DYNC2I1: variants seen among roughly 807,000 people sequenced by gnomAD.
The protein encoded by DYNC2I1 is cytoplasmic dynein 2 intermediate chain 1.
A neutral mutation model predicts 133.4 loss-of-function variants in DYNC2I1; 89 were observed. That is an observed-to-expected ratio of 0.67 (90% confidence interval 0.56 to 0.80). DYNC2I1 has a LOEUF of 0.80. Ranked by LOEUF, DYNC2I1 falls within the 30% of genes least tolerant of loss-of-function variation. The pLI, the probability that DYNC2I1 is intolerant of heterozygous loss-of-function variation, is 0.00. For synonymous variants in DYNC2I1, 504 were observed against 484.3 expected (o/e 1.04, Z -0.54); for missense variants, 1,291 against 1,314.5 (o/e 0.98, Z 0.28).
Position 158,886,357 on chromosome 7 carries a change from C to T in DYNC2I1, c.936-664C>T, listed in dbSNP as rs556924739. Among the ~76,000 whole-genome samples the T allele has an allele frequency of 1.4e-4, 21 of 152,176 alleles. No homozygotes were observed. In the South Asian group the frequency reaches 4.4e-3, roughly 32 times the overall value. ...CCATGTTGGCCAGACTGGTCTCGAA[C>T]TCCTGACCTCAGGCAGTCTGCCCAC... On this transcript the variant is annotated intron_variant, in intron 6 of 24. Transcript: ENST00000407559.
intron 1 of DYNC2I1, among the ~76,000 whole-genome samples, chr7:158,861,900 T>C (rs1211958444): frequency 2.6e-5 from 4 of 152,194 alleles, no homozygotes; most frequent in Non-Finnish European, 5.9e-5. Flanking sequence ...AGTCAAGTAA[T>C]AGAATGAAGA....
chr7:158,916,126 A>G (rs1238886565), intron 14 of DYNC2I1, among the ~76,000 whole-genome samples: 1 of 83,896 alleles, frequency 1.2e-5, no homozygotes, highest in African/African-American at 3.7e-5. Flanking sequence ...ATTAAGGATG[A>G]TTGTGAAACG....
intron 10 of DYNC2I1, among the ~76,000 whole-genome samples, 193 bp from the exon 11 acceptor site, chr7:158,905,777 ATGATCAGTAAATTTTGCTT>A (rs1243100302): frequency 6.6e-6 from 1 of 152,230 alleles, no homozygotes; most frequent in Non-Finnish European, 1.5e-5. Flanking sequence ...CATACAATAG[ATGATCAGTAAATTTTGCTT>A]TGTTGCCTGA....
In DYNC2I1 at chr7:158,926,263, G is replaced by A; in HGVS notation, c.2334G>A (p.Lys778=). 6.2e-7 allele frequency: 1 copy of A among 1,613,320 alleles called. No individual in the cohort carries two copies. Among genetic ancestry groups the A allele is most frequent in the Non-Finnish European group, 8.5e-7 (1 of 1,179,632 alleles). The change falls in exon 18 of 25, where the codon AAG becomes AAA. Residue 778 remains lysine (K), a synonymous_variant. Transcript: ENST00000407559. The part of the protein sequence containing the change: ...VEPISTSVHK[K]QSFVLSPFST... ...CTATCTCAACGTCCGTCCACAAAAA[G>A]CAGAGCTTTGTGCTTTCACCCTTTT... is the stretch of plus-strand genomic sequence containing the variant.
chr7:158,931,706 T>C (rs1339004020), intron 21 of DYNC2I1, among the ~76,000 whole-genome samples: 4 of 152,244 alleles, frequency 2.6e-5, no homozygotes, highest in Non-Finnish European at 4.4e-5. Context: ...CTCCTAGCAG[T>C]GTCTTCCTGA....
chr7:158,873,284 C>G (rs1291922652), intron 3 of DYNC2I1, among the ~76,000 whole-genome samples: 3 of 152,126 alleles, frequency 2.0e-5, no homozygotes, highest in African/African-American at 7.2e-5. Flanking sequence ...CAGAAGGAAT[C>G]TGTTAGAAGA....
At chr7:158,933,619 A>G (rs147089996) in intron 21 of DYNC2I1, among the ~76,000 whole-genome samples, 4 of 152,364 alleles carry the variant, frequency 2.6e-5, no homozygotes, top group African/African-American at 7.2e-5. Context: ...TGTTAGCATC[A>G]CAGTTCTAGA....
the DYNC2I1 span, among the ~76,000 whole-genome samples, chr7:158,839,599 C>T: frequency 6.6e-6 from 1 of 152,162 alleles, no homozygotes; most frequent in Admixed American, 6.5e-5. Context: ...GCGGGTGGAT[C>T]ACGAGGTCAG....
chr7:158,840,994 G>C, the DYNC2I1 span, among the ~76,000 whole-genome samples: 1 of 151,966 alleles, frequency 6.6e-6, no homozygotes, highest in Non-Finnish European at 1.5e-5. Flanking sequence ...ATTACAGCAT[G>C]CTTTCCCATT....
intron 1 of DYNC2I1, 109 bp from the exon 2 acceptor site, chr7:158,869,746 T>A (rs1002076756): frequency 2.8e-5 from 21 of 757,742 alleles, no homozygotes; most frequent in Non-Finnish European, 4.3e-5. Flanking sequence ...TTTTCTGGCA[T>A]GTCAAGAATT....
chr7:158,849,434 C>A, the DYNC2I1 span, among the ~76,000 whole-genome samples: 1 of 152,188 alleles, frequency 6.6e-6, no homozygotes, highest in Non-Finnish European at 1.5e-5. Context: ...GGCTGGAAAC[C>A]TCTGTGGTTG....
At chr7:158,910,607 T>TGGGC (rs1324538837) in intron 11 of DYNC2I1, among the ~76,000 whole-genome samples, 1 of 149,694 alleles carries the variant, frequency 6.7e-6, no homozygotes, top group East Asian at 2.0e-4. Flanking sequence ...GTCAGGCCTG[T>TGGGC]GGGCCGAGGG....
At position 158,934,465 on chromosome 7, in the gene DYNC2I1, A is replaced by G. The variant is rs2129487917; in HGVS notation, c.2694A>G (p.Lys898=). The G allele has an allele frequency of 1.9e-6, 3 of 1,592,776 alleles. No individual in the cohort carries two copies. The highest frequency in any genetic ancestry group is 2.6e-6 in the Non-Finnish European group (3 of 1,169,018). Reference sequence around the variant, plus strand: ...GACAAGATTTGAGAGTGGCTCCCAAACTATTCAAACCTCAGCAACATGGTA... The same window carrying G: ...GACAAGATTTGAGAGTGGCTCCCAAGCTATTCAAACCTCAGCAACATGGTA... ...GTRQDLRVAP[K]LFKPQQHGIR... Residue 898 remains lysine, a synonymous_variant, in exon 23 of 25, where the codon AAA becomes AAG. Transcript: ENST00000407559.
At chr7:158,859,515 T>G (rs1393250593) in intron 1 of DYNC2I1, among the ~76,000 whole-genome samples, 1 of 152,174 alleles carries the variant, frequency 6.6e-6, no homozygotes, top group Non-Finnish European at 1.5e-5. Context: ...AAAATTCATT[T>G]TTTTTGAGAC....
intron 21 of DYNC2I1, among the ~76,000 whole-genome samples, chr7:158,932,159 T>TCCTGCAGCTCTGTCTGCACCGCC (rs1419507803): frequency 1.3e-5 from 2 of 152,200 alleles, no homozygotes; most frequent in African/African-American, 4.8e-5. Context: ...GGGAAGCAGG[T>TCCTGCAGCTCTGTCTGCACCGCC]CCTGCAGCTC....
Position 158,879,826 on chromosome 7 carries a change from A to G in DYNC2I1, c.716A>G (p.Lys239Arg). The G allele has an allele frequency of 6.2e-7, 1 of 1,613,360 alleles. No homozygotes were observed. The highest frequency in any genetic ancestry group is 2.2e-5 in the East Asian group (1 of 44,882). Reference protein sequence around the residue: ...EKSSTREKREKYSKEKSNSFS... With the variant: ...EKSSTREKRERYSKEKSNSFS... ...AGCAGCACAAGGGAAAAAAGAGAGA[A>G]ATATTCCAAAGAGAAAAGTAATTCA... The change falls in exon 5 of 25, where the codon AAA (lysine) becomes AGA (arginine). Residue 239 changes from lysine (K) to arginine (R), a missense_variant. Coordinates refer to ENST00000407559, the MANE Select transcript of DYNC2I1 (RefSeq NM_018051.5).
intron 1 of DYNC2I1, among the ~76,000 whole-genome samples, chr7:158,858,384 C>T (rs902779569): frequency 5.3e-5 from 8 of 152,180 alleles, no homozygotes; most frequent in African/African-American, 1.7e-4. Flanking sequence ...ATTCTAAGCT[C>T]ACTCTACTCA....
chr7:158,885,160 C>T (rs985638357), intron 6 of DYNC2I1, among the ~76,000 whole-genome samples: 4 of 152,084 alleles, frequency 2.6e-5, no homozygotes, highest in Admixed American at 6.6e-5. Flanking sequence ...TGTGAACACA[C>T]GGGATAACAT....
intron 23 of DYNC2I1, among the ~76,000 whole-genome samples, chr7:158,939,595 A>G (rs1851119399): frequency 6.6e-6 from 1 of 152,236 alleles, no homozygotes. Flanking sequence ...TCAAGCAACA[A>G]AATGGCAGTA....
Sources: allele counts gnomAD v4.1 joint callset (sites outside exome capture counted in the v4.1 genomes callset), GRCh38; gene constraint gnomAD v4.1.1; transcripts MANE v1.5; gene names NCBI Gene and HGNC (gene_info 2026-07-23, HGNC 2026-07-21).